The following PHKB variants were observed in gnomAD, a reference collection of about 807,000 sequenced individuals.
PHKB encodes phosphorylase b kinase regulatory subunit beta.
A neutral mutation model predicts 152.1 loss-of-function variants in PHKB; 122 were observed. That is an observed-to-expected ratio of 0.80 (90% confidence interval 0.69 to 0.93). The LOEUF (loss-of-function observed/expected upper bound fraction) is 0.93, where lower values mean the gene tolerates loss of function less well. Among genes scored for constraint, PHKB ranks in the 40% least tolerant of loss-of-function variants. The probability of loss-of-function intolerance (pLI) is 0.00; values close to 1 mark genes in which losing one functional copy is unlikely to be tolerated. For synonymous variants in PHKB, 436 were observed against 464.9 expected, an observed-to-expected ratio of 0.94 and a Z score of 0.80; for missense variants, 1,304 against 1,328.4, an observed-to-expected ratio of 0.98 and a Z score of 0.29.
intron 14 of PHKB, among the ~76,000 whole-genome samples, chr16:47,621,005 T>C (rs1420771832): frequency 6.6e-6 from 1 of 152,212 alleles, no homozygotes; most frequent in Admixed American, 6.5e-5. Flanking sequence ...GACTACCTCA[T>C]TGGCTGGGAG....
intron 26 of PHKB, among the ~76,000 whole-genome samples, chr16:47,678,657 A>C (rs1973784344): frequency 6.6e-6 from 1 of 151,540 alleles, no homozygotes; most frequent in Admixed American, 6.6e-5. Flanking sequence ...TTCATTGTAG[A>C]TTCTGGATAT....
Position 47,499,863 on chromosome 16 carries a change from G to T in PHKB, c.274G>T (p.Ala92Ser). 1.2e-6 allele frequency: 2 copies of T among 1,614,168 alleles called. No homozygotes were observed. The highest frequency in any genetic ancestry group is 1.7e-6 in the Non-Finnish European group (2 of 1,180,024). Residue 92 changes from alanine (A) to serine (S), a missense_variant, in exon 3 of 31, where the codon GCT (alanine) becomes TCT (serine). Ala to Ser is a moderately conservative substitution (Grantham distance 99). Coordinates refer to ENST00000323584, the MANE Select transcript of PHKB (RefSeq NM_000293.3). ...AKIQDSLYCA[A>S]GAWALALAYR... is the part of the protein sequence containing the mutation. ...GATCCAGGACAGCCTATACTGCGCT[G>T]CTGGGGCCTGGGCTTTGGCTCTTGC...
intron 20 of PHKB, among the ~76,000 whole-genome samples, chr16:47,655,710 A>G (rs1011928873): frequency 6.6e-6 from 1 of 152,216 alleles, no homozygotes; most frequent in Non-Finnish European, 1.5e-5. Flanking sequence ...ACAAAGCTCA[A>G]GTTGGTCAAG....
In PHKB at chr16:47,594,201, T is replaced by C; in HGVS notation, c.1191T>C (p.His397=). 1 of 1,551,052 alleles carries C rather than the reference T, an allele frequency of 6.4e-7. No homozygotes were observed. The highest frequency in any genetic ancestry group is 8.9e-7 in the Non-Finnish European group (1 of 1,122,974). ...AGGATCTTTTGACTCCAGTACTTCA[T>C]CATACCACAGAAGGTATAGTTGTTT... ...EYQDLLTPVL[H]HTTEGYPVVP... Residue 397 remains histidine, a synonymous_variant, in exon 12 of 31, where the codon CAT becomes CAC. Transcript: ENST00000323584.
chr16:47,531,296 G>C (rs2151661996), intron 6 of PHKB, among the ~76,000 whole-genome samples: 1 of 152,276 alleles, frequency 6.6e-6, no homozygotes, highest in Admixed American at 6.5e-5. Context: ...TCAGTTCCCA[G>C]GTGTGAATTG....
chr16:47,656,579 C>T (rs891337823), intron 20 of PHKB, among the ~76,000 whole-genome samples: 7 of 152,122 alleles, frequency 4.6e-5, no homozygotes, highest in Non-Finnish European at 8.8e-5. Flanking sequence ...TTTAAGTGTC[C>T]AGTTTAATGG....
chr16:47,639,725 T>C (rs532914170), intron 14 of PHKB, among the ~76,000 whole-genome samples: 1 of 152,312 alleles, frequency 6.6e-6, no homozygotes, highest in African/African-American at 2.4e-5. Context: ...TGAAATATCA[T>C]CTGTATTCTG....
intron 7 of PHKB, among the ~76,000 whole-genome samples, chr16:47,557,871 A>G (rs1426503335): frequency 2.0e-5 from 3 of 152,332 alleles, no homozygotes; most frequent in African/African-American, 2.4e-5. Context: ...TGACCCAGCC[A>G]TCCCATTACT....
chr16:47,586,821 A>G (rs1971942430), intron 8 of PHKB, among the ~76,000 whole-genome samples: 1 of 152,194 alleles, frequency 6.6e-6, no homozygotes, highest in Non-Finnish European at 1.5e-5. Flanking sequence ...AAGCTGTTGA[A>G]TATGGAATGC....
intron 1 of PHKB, among the ~76,000 whole-genome samples, chr16:47,482,038 G>A (rs1969972419): frequency 1.3e-5 from 2 of 152,192 alleles, no homozygotes; most frequent in African/African-American, 2.4e-5. Context: ...ATTTAACATT[G>A]GGTTTAACCT....
chr16:47,547,729 C>A, intron 7 of PHKB, 181 bp downstream of exon 7: 1 of 563,958 alleles, frequency 1.8e-6, no homozygotes, highest in Admixed American at 3.0e-5. Context: ...TCCTCAGTAC[C>A]CATAAACAGA....
At chr16:47,633,736 G>A (rs1972867349) in intron 14 of PHKB, among the ~76,000 whole-genome samples, 1 of 152,198 alleles carries the variant, frequency 6.6e-6, no homozygotes, top group Non-Finnish European at 1.5e-5. Context: ...ACAGATGGGA[G>A]ACCAACAGGG....
intron 26 of PHKB, among the ~76,000 whole-genome samples, chr16:47,674,591 GT>G (rs1973694832): frequency 6.6e-6 from 1 of 152,180 alleles, no homozygotes; most frequent in Non-Finnish European, 1.5e-5. Flanking sequence ...ATCAACATTG[GT>G]TTAGGAGGCA....
At chr16:47,658,751 G>A (rs1037256961) in intron 20 of PHKB, among the ~76,000 whole-genome samples, 1 of 151,818 alleles carries the variant, frequency 6.6e-6, no homozygotes, top group Non-Finnish European at 1.5e-5. Flanking sequence ...ACACAACAAC[G>A]AGATTGCCTA....
chr16:47,574,892 T>G lies in PHKB; in HGVS notation c.711-5403T>G, dbSNP rs545567852. On this transcript the variant is annotated intron_variant, in intron 7 of 30. Coordinates refer to ENST00000323584, the MANE Select transcript of PHKB (RefSeq NM_000293.3). ...ATCTGCAAAGAAACAGTTTCATTTC[T>G]ACCTTTCTCAGCTATATTCTTTTTA... Among the ~76,000 whole-genome samples the G allele has an allele frequency of 3.9e-5, 6 of 152,348 alleles. No homozygotes were observed. The South Asian group carries it at 1.2e-3, about 32-fold the overall frequency.
At chr16:47,654,458 A>G (rs1973296530) in intron 20 of PHKB, among the ~76,000 whole-genome samples, 2 of 152,180 alleles carry the variant, frequency 1.3e-5, no homozygotes, top group Non-Finnish European at 2.9e-5. Flanking sequence ...CTGGGTATAT[A>G]CCCAAAGGAT....
At chr16:47,548,484 G>A (rs1212873968) in intron 7 of PHKB, among the ~76,000 whole-genome samples, 2 of 152,048 alleles carry the variant, frequency 1.3e-5, no homozygotes, top group South Asian at 2.1e-4. Flanking sequence ...GTGCGTGCCT[G>A]TAATCCCAGC....
chr16:47,600,950 C>T (rs1012370068), intron 13 of PHKB, among the ~76,000 whole-genome samples: 4 of 152,156 alleles, frequency 2.6e-5, no homozygotes, highest in African/African-American at 7.2e-5. Context: ...TCGCGACTAG[C>T]CTCGCTAGTA....
At chr16:47,467,135 T>C (rs527393280) in intron 1 of PHKB, among the ~76,000 whole-genome samples, 1 of 152,338 alleles carries the variant, frequency 6.6e-6, no homozygotes, top group Non-Finnish European at 1.5e-5. Flanking sequence ...TTATCTTTCC[T>C]AAAAATATGT....
Sources: allele counts gnomAD v4.1 joint callset (sites outside exome capture counted in the v4.1 genomes callset), GRCh38; gene constraint gnomAD v4.1.1; transcripts MANE v1.5; gene names NCBI Gene and HGNC (gene_info 2026-07-23, HGNC 2026-07-21).